Variants in POLA1 observed in about 807,000 individuals in gnomAD.
POLA1 encodes DNA polymerase alpha 1, catalytic subunit.
Under a neutral mutation model 124.0 loss-of-function variants are expected in POLA1, and 15 were observed. The observed-to-expected ratio is 0.12, with a 90% CI of 0.08 to 0.19. The LOEUF (loss-of-function observed/expected upper bound fraction) is 0.19. POLA1 is among the 10% of genes least tolerant of loss of function. The pLI is 1.00. For missense variants in POLA1, 886 were observed against 1,103.4 expected (o/e 0.80, Z 2.79); for synonymous variants, 408 against 389.4 (o/e 1.05, Z -0.56).
chrX:24,928,937 C>A (rs760069314), intron 35 of POLA1, among the ~76,000 whole-genome samples: 1 of 111,699 alleles, frequency 9.0e-6, no homozygotes, highest in African/African-American at 3.2e-5. Flanking sequence ...GGAAGGAATG[C>A]GCCCACAAAA....
In POLA1 at chrX:24,970,520, A is replaced by G. The variant is rs774821897; in HGVS notation, c.4262-25285A>G. On this transcript the variant is annotated intron_variant, in intron 36 of 36. Transcript: ENST00000379068. ...AAACTATCATCAGAGTGAACAGACA[A>G]TCTACAGAATGGGAGATAGTTTTTG... Among the ~76,000 whole-genome samples the G allele has an allele frequency of 2.7e-5, 3 of 111,800 alleles. No individual in the cohort carries two copies. In the South Asian group the frequency reaches 1.1e-3, roughly 42 times the overall value.
At chrX:24,807,569 T>A (rs1299509815) in intron 26 of POLA1, among the ~76,000 whole-genome samples, 1 of 111,955 alleles carries the variant, frequency 8.9e-6, no homozygotes, top group African/African-American at 3.2e-5. Context: ...GAAAAGTAAT[T>A]GGGATTACTA....
chrX:24,758,226 GA>G (rs1932713278), intron 26 of POLA1, among the ~76,000 whole-genome samples: 1 of 110,790 alleles, frequency 9.0e-6, no homozygotes, highest in African/African-American at 3.3e-5. Flanking sequence ...ATACTTATAT[GA>G]AAAATATATG....
intron 10 of POLA1, among the ~76,000 whole-genome samples, chrX:24,720,685 C>A (rs752204773): frequency 6.3e-5 from 7 of 111,907 alleles, no homozygotes; most frequent in Non-Finnish European, 1.3e-4. Context: ...GAAGCAACAA[C>A]CTTCTTTCTT....
intron 10 of POLA1, among the ~76,000 whole-genome samples, chrX:24,722,509 A>G (rs1930262209): frequency 8.9e-6 from 1 of 112,418 alleles, no homozygotes; most frequent in Non-Finnish European, 1.9e-5. Flanking sequence ...TTATTATTAT[A>G]TGGAATAAGA....
At chrX:24,880,648 A>G (rs1209977173) in intron 34 of POLA1, among the ~76,000 whole-genome samples, 1 of 111,882 alleles carries the variant, frequency 8.9e-6, no homozygotes, top group African/African-American at 3.2e-5. Flanking sequence ...TTGTTTTTTG[A>G]TATTTCTGGA....
chrX:24,969,207 CAA>C (rs369936803), intron 36 of POLA1, among the ~76,000 whole-genome samples: 4 of 87,638 alleles, frequency 4.6e-5, no homozygotes, highest in African/African-American at 8.2e-5. Flanking sequence ...GACTCCGTCT[CAA>C]AAAAAAAAAA....
chrX:24,736,453 C>T (rs1931281487), intron 18 of POLA1, among the ~76,000 whole-genome samples: 1 of 111,487 alleles, frequency 9.0e-6, no homozygotes, highest in South Asian at 3.8e-4. Flanking sequence ...TTTCTTGGAC[C>T]CCAAGGAGAT....
rs1032012338 is a variant in POLA1, at chrX:24,996,976, C to T, written c.*1026C>T. ...GCCTTCTTCTTAAGAATAAAGTTTT[C>T]TAAAGGGAAAGCAGTTGTGGTGAAT... On this transcript the variant is annotated 3_prime_UTR_variant, in exon 37 of 37. Coordinates refer to ENST00000379068, the MANE Select transcript of POLA1 (RefSeq NM_001330360.2). 4.5e-5 allele frequency: 5 copies of T among 111,260 alleles called. No homozygotes were observed. Among genetic ancestry groups the T allele is most frequent in the African/African-American group, 1.6e-4 (5 of 30,497 alleles). The allele number at this position is 111,260 out of a possible 1,213,427, so 9.2% of individuals were successfully genotyped here.
intron 36 of POLA1, among the ~76,000 whole-genome samples, chrX:24,965,572 C>T (rs956872406): frequency 6.2e-5 from 7 of 112,180 alleles, no homozygotes; most frequent in African/African-American, 1.9e-4. Flanking sequence ...ATGGATAAAA[C>T]CAGTAAAACT....
chrX:24,979,878 T>A (rs1232527005), intron 36 of POLA1, among the ~76,000 whole-genome samples: 1 of 111,916 alleles, frequency 8.9e-6, no homozygotes, highest in Non-Finnish European at 1.9e-5. Flanking sequence ...AAAAGGCCAC[T>A]TTAGCAAGTG....
chrX:24,988,740 C>T (rs1402476873), intron 36 of POLA1, among the ~76,000 whole-genome samples: 2 of 111,884 alleles, frequency 1.8e-5, no homozygotes, highest in Non-Finnish European at 3.8e-5. Flanking sequence ...GCCGAGGTGG[C>T]AGATCACTTA....
chrX:24,716,424 A>G lies in POLA1; in HGVS notation c.588A>G (p.Ser196=), dbSNP rs147524515. The change falls in exon 7 of 37, where the codon TCA becomes TCG. Residue 196 remains serine (S), a synonymous_variant. Coordinates refer to ENST00000379068, the MANE Select transcript of POLA1 (RefSeq NM_001330360.2). The stretch of plus-strand genomic sequence containing the variant: ...AGAAGAAAAGATCCATTGGAGCTTC[A>G]CCGAATCCTTTCTCTGTGCACACCG... The part of the protein sequence containing the change: ...ILKKKRSIGA[S]PNPFSVHTAT... 1.7e-6 allele frequency: 2 copies of G among 1,168,414 alleles called. No homozygotes were observed. Among genetic ancestry groups the G allele is most frequent in the African/African-American group, 3.5e-5 (2 of 56,513 alleles).
At chrX:24,744,981 C>T (rs1302761003) in intron 23 of POLA1, among the ~76,000 whole-genome samples, 4 of 76,063 alleles carry the variant, frequency 5.3e-5, no homozygotes, top group African/African-American at 2.3e-4. Context: ...AAATAAACCA[C>T]TCACTTGGTT....
chrX:24,714,621 C>T lies in POLA1; in HGVS notation c.414C>T (p.Asn138=), dbSNP rs768360956. 8.3e-7 allele frequency: 1 copy of T among 1,197,745 alleles called. No individual in the cohort carries two copies. Among genetic ancestry groups the T allele is most frequent in the Non-Finnish European group, 1.1e-6 (1 of 884,621 alleles). ...NVKKLAVTKP[N]NIKSMFIACA... ...AGAAGCTCGCAGTGACAAAACCGAA[C>T]AACATTAAGTCAATGTTCATTGCTT... The change falls in exon 5 of 37, where the codon AAC becomes AAT. Residue 138 remains asparagine, a synonymous_variant. Transcript: ENST00000379068.
At chrX:24,711,018 TGTC>T (rs772851254) in intron 4 of POLA1, among the ~76,000 whole-genome samples, 3 of 111,688 alleles carry the variant, frequency 2.7e-5, no homozygotes, top group Non-Finnish European at 3.8e-5. Flanking sequence ...ATTCTTGCTC[TGTC>T]GTCCAGGATG....
At chrX:24,882,400 GT>G (rs1479068981) in intron 34 of POLA1, among the ~76,000 whole-genome samples, 8 of 111,017 alleles carry the variant, frequency 7.2e-5, no homozygotes, top group Non-Finnish European at 1.1e-4. Context: ...TGACACTGAG[GT>G]TTGGGGTACA....
intron 26 of POLA1, among the ~76,000 whole-genome samples, chrX:24,766,014 A>G (rs1185731463): frequency 8.9e-6 from 1 of 112,275 alleles, no homozygotes; most frequent in Non-Finnish European, 1.9e-5. Context: ...ATCCATGTTG[A>G]TGTATACATA....
intron 34 of POLA1, among the ~76,000 whole-genome samples, chrX:24,854,451 A>G (rs1213929942): frequency 8.9e-6 from 1 of 112,216 alleles, no homozygotes; most frequent in Non-Finnish European, 1.9e-5. Context: ...AAAAACACCA[A>G]TAATATCATC....
Sources: gnomAD v4.1 joint callset for allele counts (sites outside exome capture counted in the v4.1 genomes callset) on GRCh38, gnomAD v4.1.1 for gene constraint, MANE v1.5 for transcripts, NCBI Gene and HGNC (gene_info 2026-07-23, HGNC 2026-07-21) for gene names.